DCBLD2: variants seen among roughly 807,000 people sequenced by gnomAD.
DCBLD2 encodes discoidin, CUB and LCCL domain-containing protein 2.
In DCBLD2, 54 loss-of-function variants were observed where a neutral mutation model predicts 86.8. The observed-to-expected ratio is 0.62, with a 90% CI of 0.50 to 0.78. The LOEUF (loss-of-function observed/expected upper bound fraction) is 0.78, where lower values mean the gene tolerates loss of function less well. DCBLD2 is among the 30% of genes least tolerant of loss of function. The probability of loss-of-function intolerance (pLI) is 0.00; values close to 1 mark genes in which losing one functional copy is unlikely to be tolerated. For missense variants in DCBLD2, 908 were observed against 954.2 expected (o/e 0.95, Z 0.64); for synonymous variants, 354 against 341.3 (o/e 1.04, Z -0.41).
chr3:98,842,853 G>A (rs189233045), intron 3 of DCBLD2, among the ~76,000 whole-genome samples: 265 of 152,170 alleles, frequency 1.7e-3, no homozygotes, highest in Admixed American at 6.5e-3. Context: ...ACAGTATCTA[G>A]GAAGCTAATA....
intron 1 of DCBLD2, among the ~76,000 whole-genome samples, chr3:98,886,568 G>T (rs188508214): frequency 1.8e-4 from 27 of 151,954 alleles, no homozygotes; most frequent in African/African-American, 6.5e-4. Flanking sequence ...CTTCCTCCTC[G>T]ACATGTTCTC....
intron 3 of DCBLD2, among the ~76,000 whole-genome samples, chr3:98,842,700 G>C (rs1202319557): frequency 6.6e-6 from 1 of 152,176 alleles, no homozygotes; most frequent in Non-Finnish European, 1.5e-5. Context: ...TAGCTCAGTT[G>C]CCTAAGCAAT....
rs561205714 is a variant in DCBLD2, at chr3:98,843,879, T to G, written c.571+5582A>C. On this transcript the variant is annotated intron_variant, in intron 3 of 15. Transcript: ENST00000326840. ...ATGAAATTTTAAACTATTTACTATT[T>G]CTCCCGTCCAAAATAAAGGCAAACT... 7.9e-5 allele frequency among the ~76,000 whole-genome samples: 12 copies of G among 152,240 alleles called. No homozygotes were observed. The East Asian group carries it at 2.1e-3, about 27-fold the overall frequency.
intron 2 of DCBLD2, among the ~76,000 whole-genome samples, chr3:98,851,452 G>C (rs1490212593): frequency 2.6e-5 from 4 of 152,096 alleles, no homozygotes; most frequent in African/African-American, 9.7e-5. Flanking sequence ...GGATACAAAT[G>C]GAAAAACATT....
At chr3:98,826,363 G>A (rs996387528) in intron 3 of DCBLD2, among the ~76,000 whole-genome samples, 2 of 152,238 alleles carry the variant, frequency 1.3e-5, no homozygotes, top group African/African-American at 4.8e-5. Flanking sequence ...CTGCTCTCTC[G>A]ACTTGTAAGG....
At chr3:98,883,085 T>G (rs1052746809) in intron 1 of DCBLD2, among the ~76,000 whole-genome samples, 1 of 152,196 alleles carries the variant, frequency 6.6e-6, no homozygotes, top group Non-Finnish European at 1.5e-5. Flanking sequence ...CAGCATCTGT[T>G]GTTTCCTGAC....
Position 98,799,429 on chromosome 3 carries a change from T to C in DCBLD2, c.2271A>G (p.Gln757=), listed in dbSNP as rs1291122034. Residue 757 remains glutamine (Q), a synonymous_variant, in exon 16 of 16, where the codon CAA becomes CAG. Coordinates refer to ENST00000326840, the MANE Select transcript of DCBLD2 (RefSeq NM_080927.4). Reference sequence around the variant, plus strand: ...CATCCCTTCCTGCTCCTGATACTTCTTGTGTGCTCTGTGGCACCTGGTACA... The same window carrying C: ...CATCCCTTCCTGCTCCTGATACTTCCTGTGTGCTCTGTGGCACCTGGTACA... The part of the protein sequence containing the change: ...ELVYQVPQST[Q]EVSGAGRDGE... 1.2e-6 allele frequency: 2 copies of C among 1,614,048 alleles called. No individual in the cohort carries two copies. Among genetic ancestry groups the C allele is most frequent in the Admixed American group, 1.7e-5 (1 of 60,032 alleles).
rs1468641819 is a variant in DCBLD2, at chr3:98,812,327, T to G, written c.1363+5A>C. On this transcript the variant is annotated splice_donor_5th_base_variant and intron_variant, in intron 10 of 15. Transcript: ENST00000326840. ...AAACATATCTTAAACGAACTGTCTCTTTACCTTTAGGAATAAACTGACATC... is the reference window on the plus strand; with the variant it reads ...AAACATATCTTAAACGAACTGTCTCGTTACCTTTAGGAATAAACTGACATC... 25 of 1,613,050 alleles carry G rather than the reference T, an allele frequency of 1.5e-5. No homozygotes were observed. The highest frequency in any genetic ancestry group is 2.1e-5 in the Non-Finnish European group (25 of 1,179,484).
At chr3:98,844,033 T>G (rs892811288) in intron 3 of DCBLD2, among the ~76,000 whole-genome samples, 1 of 17,460 alleles carries the variant, frequency 5.7e-5, no homozygotes, top group Non-Finnish European at 1.4e-4. Context: ...CAATCATGCA[T>G]GCACACACAC....
At chr3:98,817,949 T>TTC in intron 8 of DCBLD2, 56 bp from the exon 9 acceptor site, 1 of 1,592,514 alleles carries the variant, frequency 6.3e-7, no homozygotes, top group South Asian at 1.1e-5. Context: ...CCTAAGTTTG[T>TTC]TCAGCATCAA....
At chr3:98,868,155 C>G (rs1225306699) in intron 2 of DCBLD2, among the ~76,000 whole-genome samples, 1 of 152,086 alleles carries the variant, frequency 6.6e-6, no homozygotes, top group African/African-American at 2.4e-5. Context: ...CCCCCTGAAG[C>G]CTAAAGGCCA....
chr3:98,805,666 G>A (rs1008221158), intron 13 of DCBLD2, among the ~76,000 whole-genome samples: 1 of 152,082 alleles, frequency 6.6e-6, no homozygotes, highest in African/African-American at 2.4e-5. Flanking sequence ...TTTCAACTAC[G>A]TTCCTAACAG....
chr3:98,841,400 T>C (rs1576175833), intron 3 of DCBLD2, among the ~76,000 whole-genome samples: 1 of 152,194 alleles, frequency 6.6e-6, no homozygotes, highest in Admixed American at 6.5e-5. Flanking sequence ...CAAGACATAA[T>C]AACTGCAAAG....
chr3:98,839,102 C>CTTCTTTCTTTCTTTCT (rs148957784), intron 3 of DCBLD2, among the ~76,000 whole-genome samples: 10 of 125,944 alleles, frequency 7.9e-5, no homozygotes, highest in Admixed American at 1.8e-4. Flanking sequence ...CCTGTGCTCC[C>CTTCTTTCTTTCTTTCT]TTCTTTCTTT....
At chr3:98,895,309 G>C (rs1943732784) in intron 1 of DCBLD2, 1 of 152,142 alleles carries the variant, frequency 6.6e-6, no homozygotes, top group Admixed American at 6.5e-5. Context: ...CATTAACACA[G>C]CTCCAAGAGG....
chr3:98,870,733 AAGAAAAAG>A (rs1943250013), intron 2 of DCBLD2, among the ~76,000 whole-genome samples: 3 of 113,974 alleles, frequency 2.6e-5, no homozygotes, highest in South Asian at 3.0e-4. Context: ...AAAGAAAAGA[AAGAAAAAG>A]AAAGAAAGAA....
At chr3:98,884,322 C>T (rs1943522861) in intron 1 of DCBLD2, among the ~76,000 whole-genome samples, 2 of 151,260 alleles carry the variant, frequency 1.3e-5, no homozygotes, top group Admixed American at 1.3e-4. Context: ...TATATAAGGG[C>T]AGAATGTAAT....
intron 3 of DCBLD2, among the ~76,000 whole-genome samples, chr3:98,831,297 C>G (rs1381526459): frequency 6.6e-6 from 1 of 151,888 alleles, no homozygotes; most frequent in African/African-American, 2.4e-5. Context: ...AGTGATCCAC[C>G]CACCTTGGCC....
chr3:98,895,324 TG>T (rs1943732984), intron 1 of DCBLD2: 1 of 152,076 alleles, frequency 6.6e-6, no homozygotes, highest in Admixed American at 6.5e-5. Flanking sequence ...AAGAGGAAAA[TG>T]CCCCAGCATG....
Sources: allele counts gnomAD v4.1 joint callset (sites outside exome capture counted in the v4.1 genomes callset), GRCh38; gene constraint gnomAD v4.1.1; transcripts MANE v1.5; gene names NCBI Gene and HGNC (gene_info 2026-07-23, HGNC 2026-07-21).